The following CYTH1 variants were observed in gnomAD, a reference collection of about 807,000 sequenced individuals.
CYTH1 encodes the protein cytohesin-1.
In CYTH1, 18 loss-of-function variants were observed where a neutral mutation model predicts 61.8. That is an observed-to-expected ratio of 0.29 (90% CI 0.20 to 0.43). The LOEUF (loss-of-function observed/expected upper bound fraction) is 0.43. Among genes scored for constraint, CYTH1 ranks in the 20% least tolerant of loss-of-function variants. CYTH1 has a pLI of 1.00. For missense variants in CYTH1, 336 were observed against 510.5 expected (o/e 0.66, Z 3.29); for synonymous variants, 174 against 184.3 (o/e 0.94, Z 0.45).
Position 78,717,805 on chromosome 17 carries a change from G to A in CYTH1, c.23-8073C>T, listed in dbSNP as rs547986378. On this transcript the variant is annotated intron_variant, in intron 1 of 13. Coordinates refer to ENST00000446868, the MANE Select transcript of CYTH1 (RefSeq NM_004762.6). This position sits in a 1 kb window ranked among gnomAD's most constrained non-coding sequence, Gnocchi z 4.4. ...ACTGTCCTAAATCCCCGTGGGTACC[G>A]TCAAATGAACGTGTCCAAGGCATGC... Among the ~76,000 whole-genome samples, 29 of 152,248 alleles carry A rather than the reference G, an allele frequency of 1.9e-4. No homozygotes were observed. Among genetic ancestry groups the A allele is most frequent in the Non-Finnish European group, 3.2e-4 (22 of 68,020 alleles).
chr17:78,704,286 G>A (rs1358440003), intron 3 of CYTH1, among the ~76,000 whole-genome samples: 2 of 152,114 alleles, frequency 1.3e-5, no homozygotes, highest in Admixed American at 6.5e-5. Flanking sequence ...GAAGTACAAG[G>A]GGCAGAACCT....
intron 1 of CYTH1, among the ~76,000 whole-genome samples, chr17:78,775,991 C>G (rs2144771464): frequency 6.6e-6 from 1 of 151,984 alleles, no homozygotes; most frequent in South Asian, 2.1e-4. Context: ...CTCGTCTCTA[C>G]TAAAAATACA....
chr17:78,744,911 T>C (rs193093778), intron 1 of CYTH1, among the ~76,000 whole-genome samples: 1 of 151,702 alleles, frequency 6.6e-6, no homozygotes, highest in African/African-American at 2.4e-5. Flanking sequence ...TTGCATTTAC[T>C]TCAATTTTTG....
chr17:78,700,481 A>G lies in CYTH1; in HGVS notation c.438-38T>C. The G allele has an allele frequency of 1.3e-6, 2 of 1,501,822 alleles. No individual in the cohort carries two copies. The highest frequency in any genetic ancestry group is 2.5e-5 in the South Asian group (2 of 81,442). The allele number at this position is 1,501,822 out of a possible 1,614,324, so 93.0% of individuals were successfully genotyped here. A position where few individuals can be genotyped will look rare whatever the true frequency, so the allele number is the denominator to read the frequency against. ...AGACAGAGTGTTCCAGAACTTGGGG[A>G]GGCAATTTATTTCTCTATGAATTGT... On this transcript the variant is annotated intron_variant, in intron 6 of 13. Coordinates refer to ENST00000446868, the MANE Select transcript of CYTH1 (RefSeq NM_004762.6). The surrounding 1 kb of genome is among the most constrained non-coding windows in gnomAD (Gnocchi z 5.1).
chr17:78,760,481 G>GTATATATA (rs1420741064), intron 1 of CYTH1, among the ~76,000 whole-genome samples: 2 of 34,578 alleles, frequency 5.8e-5, no homozygotes, highest in African/African-American at 2.4e-4. Flanking sequence ...GTATATATAT[G>GTATATATA]TATGTATATA....
At chr17:78,746,091 C>T (rs2093358488) in intron 1 of CYTH1, among the ~76,000 whole-genome samples, 1 of 152,006 alleles carries the variant, frequency 6.6e-6, no homozygotes, top group Non-Finnish European at 1.5e-5. Context: ...TGATAATAGG[C>T]TTCTACTATA....
chr17:78,729,103 A>T (rs1006414425), intron 1 of CYTH1, among the ~76,000 whole-genome samples: 22 of 152,266 alleles, frequency 1.4e-4, no homozygotes, highest in Admixed American at 2.6e-4. Flanking sequence ...ATCTTTTTTT[A>T]AATTAATTAA....
chr17:78,771,566 AACAAAAAT>A (rs1191053919), intron 1 of CYTH1, among the ~76,000 whole-genome samples: 1 of 151,864 alleles, frequency 6.6e-6, no homozygotes, highest in African/African-American at 2.4e-5. Flanking sequence ...CCCTGTCTCT[AACAAAAAT>A]ACAAAAATTA....
intron 1 of CYTH1, among the ~76,000 whole-genome samples, chr17:78,713,781 T>A (rs1475209286): frequency 1.3e-5 from 2 of 149,888 alleles, no homozygotes; most frequent in Non-Finnish European, 2.9e-5. Flanking sequence ...GAAATCCCTA[T>A]CTCAAGACTG....
intron 1 of CYTH1, among the ~76,000 whole-genome samples, chr17:78,750,120 A>G (rs2093374189): frequency 6.6e-6 from 1 of 152,198 alleles, no homozygotes; most frequent in Non-Finnish European, 1.5e-5. Flanking sequence ...CTCATGTGGC[A>G]TCCAGGCAAG....
At chr17:78,757,226 G>A (rs2093405415) in intron 1 of CYTH1, among the ~76,000 whole-genome samples, 1 of 151,932 alleles carries the variant, frequency 6.6e-6, no homozygotes, top group Admixed American at 6.6e-5. Context: ...GGGATTACAG[G>A]CGTGAGCCAC....
intron 1 of CYTH1, chr17:78,723,817 G>C (rs981374882): frequency 6.6e-6 from 1 of 152,330 alleles, no homozygotes; most frequent in African/African-American, 2.4e-5. Context: ...GGGGGTGGAT[G>C]TTCTGTCACC....
chr17:78,747,080 G>A (rs2093362126), intron 1 of CYTH1, among the ~76,000 whole-genome samples: 1 of 105,984 alleles, frequency 9.4e-6, no homozygotes, highest in Non-Finnish European at 1.8e-5. Flanking sequence ...CAAAGGTCAA[G>A]AAAACAAAGT....
intron 1 of CYTH1, among the ~76,000 whole-genome samples, chr17:78,770,404 G>A (rs556002637): frequency 2.0e-5 from 3 of 150,550 alleles, no homozygotes; most frequent in African/African-American, 7.4e-5. Flanking sequence ...AAATAGGCGG[G>A]TTTTTTTTGT....
chr17:78,754,289 G>A (rs1164670415), intron 1 of CYTH1, among the ~76,000 whole-genome samples: 1 of 152,050 alleles, frequency 6.6e-6, no homozygotes, highest in African/African-American at 2.4e-5. Flanking sequence ...TATACTTCTA[G>A]TTTTTACGTG....
At chr17:78,776,613 C>T (rs1196990611) in intron 1 of CYTH1, among the ~76,000 whole-genome samples, 1 of 143,884 alleles carries the variant, frequency 7.0e-6, no homozygotes, top group African/African-American at 2.6e-5. Context: ...AAGCCAAGAT[C>T]GTGCCACTGG....
intron 1 of CYTH1, among the ~76,000 whole-genome samples, chr17:78,712,628 C>A (rs1037894940): frequency 4.6e-5 from 7 of 151,750 alleles, no homozygotes; most frequent in Non-Finnish European, 1.0e-4. Context: ...TGCACTCCAG[C>A]CTAGGCAACA....
intron 1 of CYTH1, among the ~76,000 whole-genome samples, chr17:78,715,120 T>C (rs8071632): frequency 0.053 from 8,109 of 152,110 alleles, 393 homozygotes; most frequent in South Asian, 0.15. Context: ...GAAATTCTCA[T>C]AGGAAAAATT....
chr17:78,732,573 G>A (rs541502756), intron 1 of CYTH1, among the ~76,000 whole-genome samples: 3 of 152,260 alleles, frequency 2.0e-5, no homozygotes, highest in South Asian at 4.1e-4. Context: ...CAGGTTTCTT[G>A]CTATGATGTG....
Sources: allele counts gnomAD v4.1 joint callset (sites outside exome capture counted in the v4.1 genomes callset), GRCh38; gene constraint gnomAD v4.1.1; non-coding constraint Gnocchi (gnomAD v3.1); transcripts MANE v1.5; gene names NCBI Gene and HGNC (gene_info 2026-07-23, HGNC 2026-07-21).